Variants in SVOPL observed in about 807,000 individuals in gnomAD.
SVOPL encodes SVOP like.
A neutral mutation model predicts 61.0 loss-of-function variants in SVOPL; 60 were observed. That is an observed-to-expected ratio of 0.98 (90% CI 0.80 to 1.22). The LOEUF is 1.22. Among genes scored for constraint, SVOPL ranks in the 50% most tolerant of loss-of-function variants. The probability of loss-of-function intolerance (pLI) is 0.00; values close to 1 mark genes in which losing one functional copy is unlikely to be tolerated. For missense variants in SVOPL, 662 were observed against 643.9 expected, an observed-to-expected ratio of 1.03 and a Z score of -0.30; for synonymous variants, 279 against 250.0, an observed-to-expected ratio of 1.12 and a Z score of -1.09.
rs577743111 is a variant in SVOPL at position 138,664,812 on chromosome 7, C to T, written c.274-1667G>A. On this transcript the variant is annotated intron_variant, in intron 4 of 15. Transcript: ENST00000674285. ...CCCAGCTCTTCCTCCTCCGCCACCC[C>T]GGCGCTCGACCCTTCCCCCCACCCC... 1.6e-3 allele frequency among the ~76,000 whole-genome samples: 220 copies of T among 135,812 alleles called. 1 individual carries two copies. The highest frequency in any genetic ancestry group is 3.0e-3 in the Non-Finnish European group (190 of 62,902). 89.1% of individuals were successfully genotyped at this position (135,812 alleles called of 152,430 possible). A position where few individuals can be genotyped will look rare whatever the true frequency, so the allele number is the denominator to read the frequency against.
rs776967653 is a variant in SVOPL at position 138,630,095 on chromosome 7, A to G, written c.817T>C (p.Leu273=). 1 of 1,613,990 alleles carries G rather than the reference A, an allele frequency of 6.2e-7. No individual in the cohort carries two copies. Among genetic ancestry groups the G allele is most frequent in the South Asian group, 1.1e-5 (1 of 91,078 alleles). ...LEKRGRFADL[L]DAKYLRTTLQ... ...GTGGTCCGTAAATATTTAGCATCCA[A>G]TAGGTCTGCAAATCTTCCTCTTTTT... Residue 273 remains leucine (L), a synonymous_variant, in exon 10 of 16, where the codon TTG becomes CTG. Transcript: ENST00000674285.
chr7:138,668,359 C>T (rs1004890687), intron 4 of SVOPL, among the ~76,000 whole-genome samples: 1 of 152,160 alleles, frequency 6.6e-6, no homozygotes, highest in Non-Finnish European at 1.5e-5. Context: ...TTCTCTATTG[C>T]AATTCCCCTG....
intron 14 of SVOPL, among the ~76,000 whole-genome samples, chr7:138,614,585 G>C (rs1799202775): frequency 6.6e-6 from 1 of 151,864 alleles, no homozygotes; most frequent in African/African-American, 2.4e-5. Flanking sequence ...TAGTAGAGAT[G>C]GGGTTTCACC....
Position 138,662,013 on chromosome 7 carries a change from C to CGTGCCCCTA in SVOPL, c.345+1060_345+1061insTAGGGGCAC. On this transcript the variant is annotated intron_variant, in intron 5 of 15. Coordinates refer to ENST00000674285, the MANE Select transcript of SVOPL (RefSeq NM_001139456.2). ...TGCGTTCCCCTAACTCCAGAGGTTT[C>CGTGCCCCTA]ACTGGGGGCAAAAGGGTGAGTCTTT... 5 of 985,504 alleles carry CGTGCCCCTA rather than the reference C, an allele frequency of 5.1e-6. No individual in the cohort carries two copies. The African/African-American group carries it at 7.0e-5, about 14-fold the overall frequency. The allele number at this position is 985,504 out of a possible 1,614,324, so 61.0% of individuals were successfully genotyped here. A position where few individuals can be genotyped will look rare whatever the true frequency, so the allele number is the denominator to read the frequency against.
chr7:138,614,762 A>G (rs1256240446), intron 14 of SVOPL, among the ~76,000 whole-genome samples: 2 of 152,200 alleles, frequency 1.3e-5, no homozygotes, highest in Non-Finnish European at 2.9e-5. Flanking sequence ...GATGACAGCT[A>G]TGCGACTGAC....
chr7:138,595,348 A>AT (rs1798236816), intron 15 of SVOPL, among the ~76,000 whole-genome samples: 1 of 152,016 alleles, frequency 6.6e-6, no homozygotes, highest in African/African-American at 2.4e-5. Context: ...GTATTTTAAG[A>AT]TTTTTCCCAA....
At chr7:138,662,030 T>C in intron 5 of SVOPL, 1 of 985,432 alleles carries the variant, frequency 1.0e-6, no homozygotes, top group Non-Finnish European at 1.2e-6. Flanking sequence ...GGCAAAAGGG[T>C]GAGTCTTTCT....
intron 9 of SVOPL, among the ~76,000 whole-genome samples, chr7:138,634,661 TAAATAA>T (rs1443259657): frequency 6.8e-6 from 1 of 147,948 alleles, no homozygotes; most frequent in Non-Finnish European, 1.5e-5. Context: ...AAAAATCAAG[TAAATAA>T]AAACAAAAAA....
chr7:138,636,089 C>T (rs967612032), intron 9 of SVOPL, among the ~76,000 whole-genome samples: 1 of 151,956 alleles, frequency 6.6e-6, no homozygotes, highest in African/African-American at 2.4e-5. Context: ...CCACTACACC[C>T]AGCTAATTTT....
intron 5 of SVOPL, 47 bp downstream of exon 5, chr7:138,663,027 G>C (rs1355714193): frequency 1.2e-6 from 2 of 1,613,152 alleles, no homozygotes. Context: ...GCCCCCAAAA[G>C]AATACACAAA....
At chr7:138,661,672 C>T (rs1420289966) in intron 5 of SVOPL, 5 of 932,596 alleles carry the variant, frequency 5.4e-6, no homozygotes, top group African/African-American at 3.6e-5. Context: ...TGATAGCATA[C>T]CTTATTTTAA....
chr7:138,661,333 T>A (rs1027989361), intron 5 of SVOPL: 1 of 985,456 alleles, frequency 1.0e-6, no homozygotes, highest in South Asian at 4.7e-5. Context: ...TAGCTGCTTA[T>A]GTTTATACCT....
chr7:138,665,386 G>C (rs117365101), intron 4 of SVOPL, among the ~76,000 whole-genome samples: 1 of 151,586 alleles, frequency 6.6e-6, no homozygotes, highest in African/African-American at 2.4e-5. Flanking sequence ...TAAGCTCAGG[G>C]ACAGGGTCAG....
intron 9 of SVOPL, 115 bp downstream of exon 9, chr7:138,644,602 G>T: frequency 2.2e-6 from 3 of 1,391,478 alleles, no homozygotes; most frequent in Non-Finnish European, 2.8e-6. Flanking sequence ...CCATCGCCCT[G>T]CCTCTCAGAC....
intron 4 of SVOPL, among the ~76,000 whole-genome samples, chr7:138,670,791 C>G (rs1170562611): frequency 6.6e-6 from 1 of 152,108 alleles, no homozygotes; most frequent in Admixed American, 6.6e-5. Context: ...GGCAGTTACA[C>G]CCTCATTGAC....
At position 138,662,009 on chromosome 7, in the gene SVOPL, GTTT is replaced by G; in HGVS notation, c.345+1062_345+1064del. 5 of 985,472 alleles carry G rather than the reference GTTT, an allele frequency of 5.1e-6. No individual in the cohort carries two copies. The African/African-American group carries it at 7.0e-5, about 14-fold the overall frequency. The allele number at this position is 985,472 out of a possible 1,614,324, so 61.0% of individuals were successfully genotyped here. On this transcript the variant is annotated intron_variant, in intron 5 of 15. Coordinates refer to ENST00000674285, the MANE Select transcript of SVOPL (RefSeq NM_001139456.2). Reference sequence around the variant, plus strand: ...CCACTGCGTTCCCCTAACTCCAGAGGTTTCACTGGGGGCAAAAGGGTGAGTCTT... The same window carrying G: ...CCACTGCGTTCCCCTAACTCCAGAGGCACTGGGGGCAAAAGGGTGAGTCTT...
chr7:138,620,101 C>T (rs903859425), intron 14 of SVOPL, among the ~76,000 whole-genome samples: 4 of 136,118 alleles, frequency 2.9e-5, no homozygotes, highest in South Asian at 2.4e-4. Flanking sequence ...TTTTTTTTTT[C>T]TTTTTTGTTT....
chr7:138,642,287 C>CAAAAAAAAAAAAAA (rs79469915), intron 9 of SVOPL, among the ~76,000 whole-genome samples: 2 of 111,672 alleles, frequency 1.8e-5, no homozygotes, highest in African/African-American at 7.2e-5. Flanking sequence ...GGAAATTAGC[C>CAAAAAAAAAAAAAA]AAAAAAAAAA....
At chr7:138,631,461 C>T (rs570224509) in intron 9 of SVOPL, among the ~76,000 whole-genome samples, 43 of 152,098 alleles carry the variant, frequency 2.8e-4, no homozygotes, top group Non-Finnish European at 6.0e-4. Flanking sequence ...ACCATCCCCA[C>T]CTCCCCCCAT....
Sources: gnomAD v4.1 joint callset for allele counts (sites outside exome capture counted in the v4.1 genomes callset) on GRCh38, gnomAD v4.1.1 for gene constraint, MANE v1.5 for transcripts, NCBI Gene and HGNC (gene_info 2026-07-23, HGNC 2026-07-21) for gene names.